The following SLC9B1 variants were observed in gnomAD, a reference collection of about 807,000 sequenced individuals.
SLC9B1 encodes sodium/hydrogen exchanger 9B1.
In SLC9B1, 32 loss-of-function variants were observed where a neutral mutation model predicts 51.7. That is an observed-to-expected ratio of 0.62 (90% CI 0.47 to 0.83). The LOEUF is 0.83. Among genes scored for constraint, SLC9B1 ranks in the 40% least tolerant of loss-of-function variants. The probability of loss-of-function intolerance (pLI) is 0.00; values close to 1 mark genes in which losing one functional copy is unlikely to be tolerated. For synonymous variants in SLC9B1, 145 were observed against 212.7 expected (o/e 0.68, Z 2.77); for missense variants, 406 against 613.2 (o/e 0.66, Z 3.57).
At chr4:102,893,228 G>A (rs1201550671) in intron 11 of SLC9B1, among the ~76,000 whole-genome samples, 9 of 133,036 alleles carry the variant, frequency 6.8e-5, no homozygotes, top group Non-Finnish European at 1.2e-4. Flanking sequence ...GTTGCAGTGC[G>A]CCAAGGTTGT....
At chr4:102,960,368 G>C (rs950606856) in intron 3 of SLC9B1, among the ~76,000 whole-genome samples, 12 of 151,998 alleles carry the variant, frequency 7.9e-5, no homozygotes, top group African/African-American at 2.9e-4. Flanking sequence ...ACTGGCAAAG[G>C]CTATGGAGTA....
intron 9 of SLC9B1, 55 bp from the exon 10 acceptor site, chr4:102,906,699 A>C: frequency 8.7e-7 from 1 of 1,143,592 alleles, no homozygotes; most frequent in Non-Finnish European, 1.2e-6. Context: ...TATATTTCAG[A>C]AACTTAAAGT....
intron 11 of SLC9B1, chr4:102,885,569 G>C: frequency 1.4e-6 from 1 of 715,730 alleles, no homozygotes; most frequent in Non-Finnish European, 2.4e-6. Context: ...TTCCTAAATT[G>C]AAGTTTTCAT....
chr4:102,888,182 T>TAA (rs1734037024), intron 11 of SLC9B1: 1 of 151,926 alleles, frequency 6.6e-6, no homozygotes, highest in Non-Finnish European at 1.5e-5. Flanking sequence ...GTAATAAACA[T>TAA]AAGACATTAA....
At chr4:102,957,888 A>G (rs1454390607) in intron 3 of SLC9B1, among the ~76,000 whole-genome samples, 1 of 152,200 alleles carries the variant, frequency 6.6e-6, no homozygotes, top group Non-Finnish European at 1.5e-5. Context: ...TTCATAGCAT[A>G]TAAGAGGTAC....
chr4:102,967,281 C>T (rs1738479139), intron 3 of SLC9B1, among the ~76,000 whole-genome samples: 1 of 152,206 alleles, frequency 6.6e-6, no homozygotes, highest in South Asian at 2.1e-4. Context: ...CTCCTTCAAA[C>T]TTGTCCAACT....
intron 7 of SLC9B1, among the ~76,000 whole-genome samples, chr4:102,912,945 C>T (rs1431779313): frequency 6.6e-6 from 1 of 152,154 alleles, no homozygotes; most frequent in Non-Finnish European, 1.5e-5. Flanking sequence ...CTTGATTCTC[C>T]ATAAAGATAC....
chr4:102,919,792 C>G (rs1313319183), intron 7 of SLC9B1, among the ~76,000 whole-genome samples: 1 of 152,228 alleles, frequency 6.6e-6, no homozygotes, highest in East Asian at 1.9e-4. Flanking sequence ...ACCCATGGAG[C>G]CTTGCTCACT....
intron 3 of SLC9B1, among the ~76,000 whole-genome samples, chr4:102,970,894 C>T (rs1186325885): frequency 2.0e-5 from 3 of 152,036 alleles, no homozygotes; most frequent in Non-Finnish European, 4.4e-5. Flanking sequence ...ACAAAGAAGG[C>T]CATTATATAG....
intron 7 of SLC9B1, among the ~76,000 whole-genome samples, chr4:102,931,713 T>C (rs962765016): frequency 3.3e-5 from 5 of 152,160 alleles, no homozygotes; most frequent in Non-Finnish European, 5.9e-5. Flanking sequence ...CCCAGCTCTG[T>C]ATGTTTAGGT....
intron 11 of SLC9B1, chr4:102,892,631 C>A (rs1734307674): frequency 6.6e-6 from 1 of 152,152 alleles, no homozygotes; most frequent in South Asian, 2.1e-4. Context: ...ATTTGTGATA[C>A]TGTTTTCTTA....
rs1482889156 is a variant in SLC9B1, at chr4:102,932,255, A to G, written c.698T>C (p.Met233Thr). 3 of 1,611,808 alleles carry G rather than the reference A, an allele frequency of 1.9e-6. No homozygotes were observed. The highest frequency in any genetic ancestry group is 8.5e-7 in the Non-Finnish European group (1 of 1,179,810). The change falls in exon 7 of 12, where the codon ATG becomes ACG. Residue 233 changes from methionine to threonine, a missense_variant. Coordinates refer to ENST00000296422, the MANE Select transcript of SLC9B1 (RefSeq NM_139173.4). ...AVSPAVVVPY[M>T]MVLQENGYGV... ...ATATCCATTTTCTTGCAGCACCATC[A>G]TGTAAGGGACAACAACAGCAGGAGA...
At chr4:102,981,584 T>C (rs1199217370) in intron 3 of SLC9B1, among the ~76,000 whole-genome samples, 2 of 152,152 alleles carry the variant, frequency 1.3e-5, no homozygotes, top group Non-Finnish European at 2.9e-5. Context: ...GTTGTGTTAA[T>C]TTACAATTAC....
chr4:102,991,650 G>A lies in SLC9B1; in HGVS notation c.62C>T (p.Thr21Ile). 1 of 1,584,056 alleles carries A rather than the reference G, an allele frequency of 6.3e-7. No homozygotes were observed. The highest frequency in any genetic ancestry group is 8.6e-7 in the Non-Finnish European group (1 of 1,162,518). ...ATACTTTTAAGTTTTTACCTGAGGA[G>A]TTGTAGATGTTTGGAAGTTTTCATC... is the stretch of plus-strand genomic sequence containing the variant. ...LEDENFQTST[T>I]PQSLIDPNNT... The change falls in exon 2 of 12, where the codon ACT becomes ATT. Residue 21 changes from threonine to isoleucine, a missense_variant. Physicochemically the swap from Thr to Ile is moderately conservative, Grantham distance 89. Coordinates refer to ENST00000296422, the MANE Select transcript of SLC9B1 (RefSeq NM_139173.4).
intron 6 of SLC9B1, among the ~76,000 whole-genome samples, chr4:102,941,651 A>C (rs1426651605): frequency 6.5e-5 from 7 of 107,572 alleles, no homozygotes; most frequent in Admixed American, 4.9e-4. Flanking sequence ...AAAAAAAAAA[A>C]AAAAAAAAAA....
At chr4:102,905,402 T>A in intron 11 of SLC9B1, 112 bp downstream of exon 11, 1 of 1,114,102 alleles carries the variant, frequency 9.0e-7, no homozygotes, top group South Asian at 1.5e-5. Context: ...AATCAAACAT[T>A]TAAAAAGTAA....
chr4:102,938,150 C>G (rs1736815089), intron 6 of SLC9B1, among the ~76,000 whole-genome samples: 1 of 152,070 alleles, frequency 6.6e-6, no homozygotes, highest in Non-Finnish European at 1.5e-5. Context: ...GCAACGATAC[C>G]CATTGGCTCA....
intron 1 of SLC9B1, among the ~76,000 whole-genome samples, chr4:102,996,487 C>T (rs888628642): frequency 6.6e-6 from 1 of 152,042 alleles, no homozygotes; most frequent in African/African-American, 2.4e-5. Flanking sequence ...ATATATTCTT[C>T]CACAAACATT....
intron 11 of SLC9B1, among the ~76,000 whole-genome samples, chr4:102,895,265 A>G (rs1282915615): frequency 6.6e-6 from 1 of 152,162 alleles, no homozygotes; most frequent in Non-Finnish European, 1.5e-5. Context: ...ACAAAATTGG[A>G]CCCTCAATTT....
Sources: allele counts gnomAD v4.1 joint callset (sites outside exome capture counted in the v4.1 genomes callset), GRCh38; gene constraint gnomAD v4.1.1; transcripts MANE v1.5; gene names NCBI Gene and HGNC (gene_info 2026-07-23, HGNC 2026-07-21).